The following ITPKB variants were observed in gnomAD, a reference collection of about 807,000 sequenced individuals.
ITPKB encodes inositol-trisphosphate 3-kinase B.
A neutral mutation model predicts 69.4 loss-of-function variants in ITPKB; 13 were observed. The observed-to-expected ratio is 0.19, with a 90% CI of 0.12 to 0.30. ITPKB has a LOEUF of 0.30. Among genes scored for constraint, ITPKB ranks in the 10% least tolerant of loss-of-function variants. ITPKB has a pLI of 1.00. For missense variants in ITPKB, 1,240 were observed against 1,250.5 expected, an observed-to-expected ratio of 0.99 and a Z score of 0.13; for synonymous variants, 584 against 513.7, an observed-to-expected ratio of 1.14 and a Z score of -1.85.
chr1:226,663,604 T>C (rs1034128267), intron 2 of ITPKB, among the ~76,000 whole-genome samples: 15 of 152,130 alleles, frequency 9.9e-5, no homozygotes, highest in African/African-American at 3.4e-4. Flanking sequence ...CTTAACTTTC[T>C]GGGCTCAAGC....
chr1:226,682,440 C>T (rs181080950), intron 2 of ITPKB, among the ~76,000 whole-genome samples: 1 of 152,294 alleles, frequency 6.6e-6, no homozygotes, highest in East Asian at 1.9e-4. Context: ...GCAAAGCAAG[C>T]AGAAATTTGA....
intron 2 of ITPKB, among the ~76,000 whole-genome samples, chr1:226,666,375 GCTT>G (rs1410038447): frequency 6.6e-6 from 1 of 152,182 alleles, no homozygotes; most frequent in Non-Finnish European, 1.5e-5. Flanking sequence ...AGGTCATCTT[GCTT>G]CTTACCAGCT....
intron 2 of ITPKB, 66 bp downstream of exon 2, chr1:226,735,461 G>A (rs1480090440): frequency 1.6e-5 from 23 of 1,443,172 alleles, no homozygotes; most frequent in Non-Finnish European, 2.0e-5. Flanking sequence ...AAAAAGGGAT[G>A]CATAGGGCAT....
intron 2 of ITPKB, among the ~76,000 whole-genome samples, chr1:226,733,534 C>A (rs1395754103): frequency 1.3e-5 from 2 of 152,036 alleles, no homozygotes; most frequent in Non-Finnish European, 2.9e-5. Context: ...TCCCTAGGAT[C>A]CCATAATTTC....
rs1449213400 is a variant in ITPKB, at chr1:226,737,030, C to A, written c.429G>T (p.Val143=). 1 of 1,612,692 alleles carries A rather than the reference C, an allele frequency of 6.2e-7. No individual in the cohort carries two copies. The highest frequency in any genetic ancestry group is 1.7e-5 in the Admixed American group (1 of 60,036). The change falls in exon 2 of 8, where the codon GTG becomes GTT. Residue 143 remains valine (V), a synonymous_variant. Transcript: ENST00000429204. ...CCTCAAACATGCCCACTTTCTGGTT[C>A]ACCTGCACGTTCTGCAACTCGCGCT... ...ILQRELQNVQ[V]NQKVGMFEAH...
chr1:226,648,986 G>A (rs1207293313), intron 2 of ITPKB, among the ~76,000 whole-genome samples: 1 of 152,150 alleles, frequency 6.6e-6, no homozygotes, highest in Non-Finnish European at 1.5e-5. Context: ...AAATGCTCAG[G>A]GGAACTCCCC....
intron 2 of ITPKB, among the ~76,000 whole-genome samples, chr1:226,674,639 T>C (rs1669690583): frequency 6.6e-6 from 1 of 152,078 alleles, no homozygotes; most frequent in Admixed American, 6.6e-5. Context: ...CAGCCACAAG[T>C]TTTAGATACT....
In ITPKB at chr1:226,645,103, C is replaced by A. The variant is rs367706866; in HGVS notation, c.2246+2064G>T. The stretch of plus-strand genomic sequence containing the variant: ...ACCTCCTGGTGACAGAACCCTCCTG[C>A]TTACACTGGAACATGACCCATCTCC... On this transcript the variant is annotated intron_variant, in intron 4 of 7. Coordinates refer to ENST00000429204, the MANE Select transcript of ITPKB (RefSeq NM_002221.4). Among the ~76,000 whole-genome samples, 110 of 152,332 alleles carry A rather than the reference C, an allele frequency of 7.2e-4. 1 individual carries two copies. Among genetic ancestry groups the A allele is most frequent in the African/African-American group, 2.5e-3 (106 of 41,576 alleles).
intron 2 of ITPKB, among the ~76,000 whole-genome samples, chr1:226,732,927 AG>A (rs1193173795): frequency 6.6e-6 from 1 of 152,156 alleles, no homozygotes; most frequent in Non-Finnish European, 1.5e-5. Flanking sequence ...CTGCACACCA[AG>A]TCATACACAC....
rs1284625735 is a variant in ITPKB, at chr1:226,642,740, G to C, written c.2247-615C>G. ...CCCACTAGATCCCCTTGGCTGCCTC[G>C]GCCCTTCCATAAAGCGAGGGCTTCC... On this transcript the variant is annotated intron_variant, in intron 4 of 7. Coordinates refer to ENST00000429204, the MANE Select transcript of ITPKB (RefSeq NM_002221.4). This position sits in a 1 kb window ranked among gnomAD's most constrained non-coding sequence, Gnocchi z 6.4. 6.6e-6 allele frequency among the ~76,000 whole-genome samples: 1 copy of C among 152,008 alleles called. No individual in the cohort carries two copies. Among genetic ancestry groups the C allele is most frequent in the Non-Finnish European group, 1.5e-5 (1 of 67,982 alleles).
chr1:226,726,091 G>A (rs76031533), intron 2 of ITPKB, among the ~76,000 whole-genome samples: 8 of 152,160 alleles, frequency 5.3e-5, no homozygotes, highest in Non-Finnish European at 1.2e-4. Context: ...CTGTATACAC[G>A]TCTTATTTGG....
At position 226,737,395 on chromosome 1, in the gene ITPKB, T is replaced by C. The variant is rs764123914; in HGVS notation, c.64A>G (p.Ser22Gly). 1.9e-6 allele frequency: 3 copies of C among 1,610,642 alleles called. No individual in the cohort carries two copies. In the South Asian group the frequency reaches 3.3e-5, roughly 18 times the overall value. ...CCACTGGGCCCCGGGCCGCCGCCGC[T>C]CTTCATCTCGTTGGCGCTATTCATG... ...VIMNSANEMK[S>G]GGGPGPSGSE... Residue 22 changes from serine (S) to glycine (G), a missense_variant, in exon 2 of 8, where the codon AGC (serine) becomes GGC (glycine). Coordinates refer to ENST00000429204, the MANE Select transcript of ITPKB (RefSeq NM_002221.4).
rs1668959565 is a variant in ITPKB, at chr1:226,641,456, T to A, written c.2451+465A>T. Reference sequence around the variant, plus strand: ...TCTGTTCCAATAAATATTTTAAAATTTCCAAAAAAAGATCGAAGAGCAAAG... The same window carrying A: ...TCTGTTCCAATAAATATTTTAAAATATCCAAAAAAAGATCGAAGAGCAAAG... On this transcript the variant is annotated intron_variant, in intron 5 of 7. Coordinates refer to ENST00000429204, the MANE Select transcript of ITPKB (RefSeq NM_002221.4). The surrounding 1 kb of genome is among the most constrained non-coding windows in gnomAD (Gnocchi z 4.6). Among the ~76,000 whole-genome samples the A allele has an allele frequency of 6.6e-6, 1 of 152,226 alleles. No homozygotes were observed. Among genetic ancestry groups the A allele is most frequent in the Non-Finnish European group, 1.5e-5 (1 of 68,040 alleles).
chr1:226,648,163 G>A (rs1669101881), intron 3 of ITPKB, among the ~76,000 whole-genome samples: 1 of 152,240 alleles, frequency 6.6e-6, no homozygotes, highest in Non-Finnish European at 1.5e-5. Context: ...CCGCCCTGCA[G>A]TTATGGGGTG....
At chr1:226,667,356 C>T (rs1669522415) in intron 2 of ITPKB, among the ~76,000 whole-genome samples, 1 of 152,206 alleles carries the variant, frequency 6.6e-6, no homozygotes, top group Non-Finnish European at 1.5e-5. Flanking sequence ...ACCCAAGAGT[C>T]TGGTTGAGAA....
intron 7 of ITPKB, among the ~76,000 whole-genome samples, chr1:226,636,867 ATGTG>A (rs1339770664): frequency 6.6e-6 from 1 of 151,852 alleles, no homozygotes; most frequent in African/African-American, 2.4e-5. Flanking sequence ...ATATGAATAC[ATGTG>A]TGTGTTTGTA....
intron 2 of ITPKB, among the ~76,000 whole-genome samples, chr1:226,704,054 A>G (rs1318537252): frequency 6.6e-6 from 1 of 152,206 alleles, no homozygotes; most frequent in African/African-American, 2.4e-5. Context: ...CCATCCGCCC[A>G]AGGCTTTTAT....
intron 2 of ITPKB, among the ~76,000 whole-genome samples, chr1:226,701,618 A>C (rs1026741556): frequency 2.7e-4 from 40 of 147,178 alleles, no homozygotes; most frequent in African/African-American, 6.7e-4. Context: ...AAAAAAAAAA[A>C]AAAAAAAAAA....
Position 226,736,138 on chromosome 1 carries a change from C to G in ITPKB, c.1321G>C (p.Asp441His). The change falls in exon 2 of 8, where the codon GAC (aspartate) becomes CAC (histidine). Residue 441 changes from aspartate (D) to histidine (H), a missense_variant. By Grantham distance (81) the Asp-to-His change is moderately conservative (BLOSUM62 -1). Coordinates refer to ENST00000429204, the MANE Select transcript of ITPKB (RefSeq NM_002221.4). ...GTTGGGGACCCTCCCTCCACTCTGT[C>G]GGAGAGCTGCCAACGCCCCCCGCCC... ...PVGGGRWQLS[D>H]RVEGGSPTLG... The G allele has an allele frequency of 3.2e-6, 5 of 1,575,784 alleles. No homozygotes were observed. In the South Asian group the frequency reaches 4.7e-5, roughly 15 times the overall value.
Sources: allele counts gnomAD v4.1 joint callset (sites outside exome capture counted in the v4.1 genomes callset), GRCh38; gene constraint gnomAD v4.1.1; non-coding constraint Gnocchi (gnomAD v3.1); transcripts MANE v1.5; gene names NCBI Gene and HGNC (gene_info 2026-07-23, HGNC 2026-07-21).